Variants in PIP5K1B observed in about 807,000 individuals in gnomAD.
PIP5K1B encodes phosphatidylinositol 4-phosphate 5-kinase type-1 beta.
A neutral mutation model predicts 67.0 loss-of-function variants in PIP5K1B; 42 were observed. That is an observed-to-expected ratio of 0.63 (90% CI 0.49 to 0.81). The LOEUF is 0.81. Ranked by LOEUF, PIP5K1B falls within the 30% of genes least tolerant of loss-of-function variation. PIP5K1B has a pLI of 0.00. For synonymous variants in PIP5K1B, 214 were observed against 231.4 expected, an observed-to-expected ratio of 0.92 and a Z score of 0.68; for missense variants, 459 against 646.3, an observed-to-expected ratio of 0.71 and a Z score of 3.14.
At chr9:68,744,920 C>T (rs915504136) in intron 2 of PIP5K1B, among the ~76,000 whole-genome samples, 3 of 152,164 alleles carry the variant, frequency 2.0e-5, no homozygotes, top group Admixed American at 1.3e-4. Context: ...CTATTGCTGT[C>T]CAGGTGGCCC....
intron 1 of PIP5K1B, among the ~76,000 whole-genome samples, chr9:68,711,161 G>C (rs898537507): frequency 1.2e-4 from 19 of 152,216 alleles, no homozygotes; most frequent in Non-Finnish European, 4.4e-5. Flanking sequence ...GATAAAATTA[G>C]AGCGAGCCAT....
chr9:68,735,698 A>G (rs1178862982), intron 1 of PIP5K1B, among the ~76,000 whole-genome samples: 1 of 152,134 alleles, frequency 6.6e-6, no homozygotes, highest in Non-Finnish European at 1.5e-5. Flanking sequence ...CCACAAATAG[A>G]TATTTTAAAT....
At chr9:68,811,705 T>G (rs1029616725) in intron 2 of PIP5K1B, among the ~76,000 whole-genome samples, 1 of 152,222 alleles carries the variant, frequency 6.6e-6, no homozygotes, top group African/African-American at 2.4e-5. Flanking sequence ...CATCACCATC[T>G]CTTGCTTAGC....
intron 8 of PIP5K1B, among the ~76,000 whole-genome samples, chr9:68,906,413 C>T (rs994867450): frequency 3.3e-5 from 5 of 152,100 alleles, no homozygotes; most frequent in African/African-American, 1.2e-4. Flanking sequence ...AGAAAATGTC[C>T]GTGGGGGGAA....
chr9:69,001,002 A>T (rs1184106753), intron 15 of PIP5K1B, among the ~76,000 whole-genome samples: 1 of 151,262 alleles, frequency 6.6e-6, no homozygotes, highest in Non-Finnish European at 1.5e-5. Flanking sequence ...GGTTAAAGTG[A>T]TTCTCGTGCC....
intron 1 of PIP5K1B, chr9:68,706,280 TC>T: frequency 6.6e-6 from 1 of 152,174 alleles, no homozygotes; most frequent in Non-Finnish European, 1.5e-5. Flanking sequence ...CCAGGCTTTC[TC>T]CCCCAGCCTG....
At chr9:68,953,019 G>A (rs892926597) in intron 14 of PIP5K1B, among the ~76,000 whole-genome samples, 5 of 152,072 alleles carry the variant, frequency 3.3e-5, no homozygotes, top group African/African-American at 9.7e-5. Context: ...GCAAACTCAT[G>A]TTTTGAGTTT....
At position 68,866,128 on chromosome 9, in the gene PIP5K1B, A is replaced by G. The variant is rs574813999; in HGVS notation, c.200+2161A>G. Among the ~76,000 whole-genome samples, 305 of 152,228 alleles carry G rather than the reference A, an allele frequency of 2.0e-3. 2 individuals carry two copies. Among genetic ancestry groups the G allele is most frequent in the African/African-American group, 7.0e-3 (289 of 41,540 alleles). ...AGGCATCCATTGTCACATTTAAAAT[A>G]TAGCAATTTAGAGTATTTGCAGCCT... On this transcript the variant is annotated intron_variant, in intron 5 of 15. Transcript: ENST00000265382.
intron 14 of PIP5K1B, among the ~76,000 whole-genome samples, chr9:68,948,406 A>C (rs1827901897): frequency 6.6e-6 from 1 of 152,164 alleles, no homozygotes; most frequent in South Asian, 2.1e-4. Flanking sequence ...TGAGGCAGGA[A>C]GATCTCTTGA....
intron 14 of PIP5K1B, among the ~76,000 whole-genome samples, chr9:68,967,510 A>G (rs1335532975): frequency 6.6e-6 from 1 of 152,238 alleles, no homozygotes; most frequent in East Asian, 1.9e-4. Flanking sequence ...ATTAGTTCAC[A>G]TAATCTAAAG....
chr9:68,909,283 T>TTTTGTTTG (rs76189159), intron 8 of PIP5K1B, among the ~76,000 whole-genome samples: 8 of 151,814 alleles, frequency 5.3e-5, no homozygotes, highest in Non-Finnish European at 1.0e-4. Context: ...ATCTAGGTTT[T>TTTTGTTTG]TTTGTTTGTT....
chr9:68,782,043 T>A (rs1831319937), intron 2 of PIP5K1B: 1 of 167,148 alleles, frequency 6.0e-6, no homozygotes, highest in African/African-American at 2.4e-5. Context: ...TTTTCTGCTC[T>A]GCCCATCTGT....
chr9:68,848,988 A>T (rs979986695), intron 4 of PIP5K1B, among the ~76,000 whole-genome samples: 1 of 152,252 alleles, frequency 6.6e-6, no homozygotes, highest in African/African-American at 2.4e-5. Flanking sequence ...GAGTATGAGG[A>T]TAGAATCATT....
intron 2 of PIP5K1B, among the ~76,000 whole-genome samples, chr9:68,807,137 G>A (rs1832915098): frequency 3.3e-5 from 5 of 152,052 alleles, no homozygotes; most frequent in Admixed American, 2.0e-4. Context: ...CTTGAGAACA[G>A]GGACCATCTC....
intron 8 of PIP5K1B, among the ~76,000 whole-genome samples, chr9:68,900,811 A>C (rs77406104): frequency 0.016 from 2,380 of 152,330 alleles, 58 homozygotes; most frequent in African/African-American, 0.052. Flanking sequence ...CTCAGAATTT[A>C]ATGAAACCAG....
intron 1 of PIP5K1B, among the ~76,000 whole-genome samples, chr9:68,717,562 C>A (rs1345835778): frequency 6.6e-6 from 1 of 152,180 alleles, no homozygotes; most frequent in East Asian, 1.9e-4. Flanking sequence ...GGCTCTCTTC[C>A]AGCTTACAGA....
chr9:68,913,471 G>C (rs1377020127), intron 8 of PIP5K1B, among the ~76,000 whole-genome samples: 3 of 152,194 alleles, frequency 2.0e-5, no homozygotes, highest in Non-Finnish European at 2.9e-5. Context: ...TTAAAGGACT[G>C]GGATGATATG....
At chr9:68,974,668 C>T (rs558655501) in intron 14 of PIP5K1B, among the ~76,000 whole-genome samples, 4 of 152,320 alleles carry the variant, frequency 2.6e-5, no homozygotes, top group South Asian at 4.1e-4. Flanking sequence ...AGCCTAGCCA[C>T]GAATGAGAGA....
chr9:68,830,904 C>T (rs953873195), intron 4 of PIP5K1B, among the ~76,000 whole-genome samples: 1 of 152,222 alleles, frequency 6.6e-6, no homozygotes, highest in Non-Finnish European at 1.5e-5. Context: ...ATCTGGCCAG[C>T]AGGCCCCCTT....
Sources: gnomAD v4.1 joint callset for allele counts (sites outside exome capture counted in the v4.1 genomes callset) on GRCh38, gnomAD v4.1.1 for gene constraint, MANE v1.5 for transcripts, NCBI Gene and HGNC (gene_info 2026-07-23, HGNC 2026-07-21) for gene names.